The following ZNF274 variants were observed in gnomAD, a reference collection of about 807,000 sequenced individuals.
The protein encoded by ZNF274 is zinc finger protein 274.
A neutral mutation model predicts 42.5 loss-of-function variants in ZNF274; 23 were observed. That is an observed-to-expected ratio of 0.54 (90% CI 0.39 to 0.77). ZNF274 has a LOEUF of 0.77. ZNF274 is among the 30% of genes least tolerant of loss of function. The pLI, the probability that ZNF274 is intolerant of heterozygous loss-of-function variation, is 0.00. For missense variants in ZNF274, 679 were observed against 806.5 expected, an observed-to-expected ratio of 0.84 and a Z score of 1.91; for synonymous variants, 292 against 305.4, an observed-to-expected ratio of 0.96 and a Z score of 0.46.
intron 4 of ZNF274, among the ~76,000 whole-genome samples, chr19:58,196,595 T>C (rs2075845705): frequency 6.6e-6 from 1 of 152,166 alleles, no homozygotes; most frequent in East Asian, 1.9e-4. Context: ...TTTTGAAACA[T>C]AGACCAAACA....
chr19:58,211,398 ACT>A lies in ZNF274; in HGVS notation c.853-159_853-158del, dbSNP rs766774395. 170 of 857,812 alleles carry A rather than the reference ACT, an allele frequency of 2.0e-4. No individual in the cohort carries two copies. Among genetic ancestry groups the A allele is most frequent in the Non-Finnish European group, 2.9e-4 (168 of 588,394 alleles). The allele number at this position is 857,812 out of a possible 1,614,324, so 53.1% of individuals were successfully genotyped here. A position where few individuals can be genotyped will look rare whatever the true frequency, so the allele number is the denominator to read the frequency against. On this transcript the variant is annotated intron_variant, in intron 6 of 7. Coordinates refer to ENST00000617501, the MANE Select transcript of ZNF274 (RefSeq NM_133502.3). This position sits in a 1 kb window ranked among gnomAD's most constrained non-coding sequence, Gnocchi z 4.8. ...CAGACCCTGGTTTGGACCCAGTAGA[ACT>A]CTTGTGGGCCCTGGGTTGGTGTCTC...
At chr19:58,183,522 C>T (rs1188957273) in intron 1 of ZNF274, 80 bp downstream of exon 1, 1 of 163,794 alleles carries the variant, frequency 6.1e-6, no homozygotes, top group African/African-American at 2.4e-5. Flanking sequence ...CGAGCGCGGC[C>T]TCTGCATTTT....
At chr19:58,195,311 C>T (rs1269616421) in intron 4 of ZNF274, among the ~76,000 whole-genome samples, 1 of 151,748 alleles carries the variant, frequency 6.6e-6, no homozygotes, top group East Asian at 1.9e-4. Flanking sequence ...TTGAATTGTC[C>T]CATGTCTTAA....
intron 4 of ZNF274, among the ~76,000 whole-genome samples, chr19:58,188,694 G>GTATATGTATATGTGTATATATATATA (rs1221412961): frequency 1.3e-5 from 1 of 74,656 alleles, no homozygotes; most frequent in African/African-American, 5.4e-5. Context: ...ATATGTATAT[G>GTATATGTATATGTGTATATATATATA]TATATATATA....
chr19:58,188,692 A>ATG lies in ZNF274; in HGVS notation c.256+1652_256+1653dup, dbSNP rs1254882579. Among the ~76,000 whole-genome samples, 51 of 68,544 alleles carry ATG rather than the reference A, an allele frequency of 7.4e-4. 1 individual carries two copies. Among genetic ancestry groups the ATG allele is most frequent in the African/African-American group, 1.4e-3 (23 of 16,478 alleles). 45.0% of individuals were successfully genotyped at this position (68,544 alleles called of 152,430 possible). A position where few individuals can be genotyped will look rare whatever the true frequency, so the allele number is the denominator to read the frequency against. ...TGTGTGTGTGTATATATATATGTAT[A>ATG]TGTATATATATATATATATATATAT... On this transcript the variant is annotated intron_variant, in intron 4 of 7. Coordinates refer to ENST00000617501, the MANE Select transcript of ZNF274 (RefSeq NM_133502.3).
At chr19:58,210,232 A>T in intron 6 of ZNF274, 159 bp downstream of exon 6, 1 of 559,460 alleles carries the variant, frequency 1.8e-6, no homozygotes, top group South Asian at 2.1e-5. Flanking sequence ...CAATCTGAGT[A>T]TGAAGAGCAG....
At position 58,207,484 on chromosome 19, in the gene ZNF274, A is replaced by C. The variant is rs193264005; in HGVS notation, c.739+282A>C. Among the ~76,000 whole-genome samples, 1 of 152,180 alleles carries C rather than the reference A, an allele frequency of 6.6e-6. No homozygotes were observed. Among genetic ancestry groups the C allele is most frequent in the Admixed American group, 6.5e-5 (1 of 15,282 alleles). On this transcript the variant is annotated intron_variant, in intron 5 of 7. Transcript: ENST00000617501. This position sits in a 1 kb window ranked among gnomAD's most constrained non-coding sequence, Gnocchi z 5.6. ...TGCACCATAAGCCCTGTAGCACTTG[A>C]TAAGATAGATGGGAATACTGAGCTC...
chr19:58,197,930 T>C (rs926290743), intron 4 of ZNF274, among the ~76,000 whole-genome samples: 1 of 152,198 alleles, frequency 6.6e-6, no homozygotes, highest in Non-Finnish European at 1.5e-5. Flanking sequence ...TAAATCGTGA[T>C]CCTCTTATCT....
intron 4 of ZNF274, among the ~76,000 whole-genome samples, chr19:58,189,594 T>C (rs1221065823): frequency 6.6e-6 from 1 of 152,176 alleles, no homozygotes; most frequent in Non-Finnish European, 1.5e-5. Context: ...TACTTTGATA[T>C]ATAGTAGTTC....
intron 4 of ZNF274, among the ~76,000 whole-genome samples, chr19:58,193,178 G>A (rs1407995192): frequency 1.0e-4 from 15 of 147,468 alleles, no homozygotes; most frequent in African/African-American, 2.8e-4. Context: ...ACACAGTCTC[G>A]CTCTGTTGCC....
At chr19:58,188,946 T>C (rs986689792) in intron 4 of ZNF274, among the ~76,000 whole-genome samples, 4 of 151,686 alleles carry the variant, frequency 2.6e-5, no homozygotes, top group African/African-American at 9.7e-5. Context: ...ATGACAACTC[T>C]TTTTCTTCTT....
intron 2 of ZNF274, chr19:58,184,259 T>C (rs1409618767): frequency 4.5e-6 from 2 of 445,096 alleles, no homozygotes; most frequent in African/African-American, 2.0e-5. Flanking sequence ...ATCCTTTATA[T>C]TGGGAAGAGT....
chr19:58,184,093 C>T (rs1317911661), intron 2 of ZNF274, 95 bp downstream of exon 2: 4 of 1,382,532 alleles, frequency 2.9e-6, no homozygotes, highest in Non-Finnish European at 4.0e-6. Flanking sequence ...ATACCCCCAT[C>T]CTCCAGAGCA....
chr19:58,197,528 A>G (rs2075858630), intron 4 of ZNF274, among the ~76,000 whole-genome samples: 1 of 152,222 alleles, frequency 6.6e-6, no homozygotes, highest in African/African-American at 2.4e-5. Flanking sequence ...TATGGATGAG[A>G]GCAGGTGTTC....
intron 4 of ZNF274, among the ~76,000 whole-genome samples, chr19:58,189,114 A>G (rs1025375585): frequency 4.6e-5 from 7 of 151,830 alleles, no homozygotes; most frequent in Non-Finnish European, 1.5e-5. Context: ...GTGAGTTCAT[A>G]TATTTTCTCA....
Position 58,207,263 on chromosome 19 carries a change from G to A in ZNF274, c.739+61G>A, listed in dbSNP as rs1383041271. 4.6e-6 allele frequency: 7 copies of A among 1,523,860 alleles called. No individual in the cohort carries two copies. In the South Asian group the frequency reaches 5.2e-5, roughly 11 times the overall value. The allele number at this position is 1,523,860 out of a possible 1,614,324, so 94.4% of individuals were successfully genotyped here. A position where few individuals can be genotyped will look rare whatever the true frequency, so the allele number is the denominator to read the frequency against. On this transcript the variant is annotated intron_variant, in intron 5 of 7. Transcript: ENST00000617501. This position sits in a 1 kb window ranked among gnomAD's most constrained non-coding sequence, Gnocchi z 5.6. ...AGGGTGTCTTGGAGTACCCTGTGGG[G>A]GAGATAAGAACTCCAGGCTTCCTAG...
intron 1 of ZNF274, 91 bp from the exon 2 acceptor site, chr19:58,183,830 G>T (rs1005706321): frequency 2.5e-5 from 21 of 835,646 alleles, no homozygotes; most frequent in Admixed American, 2.6e-5. Flanking sequence ...GTCATTTCCC[G>T]CTGAGGGAGC....
At position 58,213,239 on chromosome 19, in the gene ZNF274, G is replaced by GA. The variant is rs1228638731; in HGVS notation, c.*98dup. 2 of 1,469,670 alleles carry GA rather than the reference G, an allele frequency of 1.4e-6. No individual in the cohort carries two copies. The highest frequency in any genetic ancestry group is 2.8e-5 in the African/African-American group (2 of 71,042). 91.0% of individuals were successfully genotyped at this position (1,469,670 alleles called of 1,614,324 possible). A position where few individuals can be genotyped will look rare whatever the true frequency, so the allele number is the denominator to read the frequency against. On this transcript the variant is annotated 3_prime_UTR_variant, in exon 8 of 8. Coordinates refer to ENST00000617501, the MANE Select transcript of ZNF274 (RefSeq NM_133502.3). ...GTGAATCAGGACTGAATGTGAAAGG[G>GA]AAGTATTGAGTGAGGACATTCCCAA...
chr19:58,209,473 C>T (rs1194215880), intron 5 of ZNF274: 2 of 152,590 alleles, frequency 1.3e-5, no homozygotes, highest in Non-Finnish European at 2.9e-5. Context: ...GTGGAGGAGA[C>T]TTGGTGACGT....
Sources: gnomAD v4.1 joint callset for allele counts (sites outside exome capture counted in the v4.1 genomes callset) on GRCh38, gnomAD v4.1.1 for gene constraint, Gnocchi (gnomAD v3.1) non-coding constraint, MANE v1.5 for transcripts, NCBI Gene and HGNC (gene_info 2026-07-23, HGNC 2026-07-21) for gene names.